EIF5: variants seen among roughly 807,000 people sequenced by gnomAD.
EIF5 encodes the protein eukaryotic translation initiation factor 5.
EIF5 carries 10 observed loss-of-function variants against 48.3 expected under a neutral mutation model. That is an observed-to-expected ratio of 0.21 (90% CI 0.13 to 0.35). EIF5 has a LOEUF of 0.35. Ranked by LOEUF, EIF5 falls within the 10% of genes least tolerant of loss-of-function variation. EIF5 has a pLI of 1.00. For missense variants in EIF5, 397 were observed against 533.2 expected (o/e 0.74, Z 2.51); for synonymous variants, 237 against 173.1 (o/e 1.37, Z -2.90).
In EIF5 at chr14:103,338,422, C is replaced by A. The variant is rs1286119634; in HGVS notation, c.535C>A (p.Pro179Thr). 5.1e-6 allele frequency: 8 copies of A among 1,576,166 alleles called. No homozygotes were observed. The highest frequency in any genetic ancestry group is 3.6e-5 in the Admixed American group (2 of 54,994). Residue 179 changes from proline (P) to threonine (T), a missense_variant, in exon 7 of 12, where the codon CCA becomes ACA. By Grantham distance (38) the Pro-to-Thr change is conservative (BLOSUM62 -1). Around this residue, in one of 4 missense-constraint regions of EIF5, gnomAD observed 126 missense variants for 141.9 expected, o/e 0.89. Coordinates refer to ENST00000216554, the MANE Select transcript of EIF5 (RefSeq NM_001969.5). Reference sequence around the variant, plus strand: ...TGGCTCCGTATCCAGCAGTGAGACACCACCACCACCACCACCACCAAATGA... The same window carrying A: ...TGGCTCCGTATCCAGCAGTGAGACAACACCACCACCACCACCACCAAATGA... ...ENGSVSSSET[P>T]PPPPPPNEIN...
At chr14:103,338,598 G>A in intron 7 of EIF5, 126 bp downstream of exon 7, 1 of 1,496,410 alleles carries the variant, frequency 6.7e-7, no homozygotes, top group Non-Finnish European at 8.9e-7. Context: ...TGGATTCCAA[G>A]TACTGTTTGT....
In EIF5 at chr14:103,339,577, A is replaced by G. The variant is rs562540355; in HGVS notation, c.907-62A>G. ...CACTTGCAGACACTCTTATTTGGGT[A>G]ATAGAGTTGTCAACTTAGAACACAT... On this transcript the variant is annotated intron_variant, in intron 9 of 11. Transcript: ENST00000216554. 1.9e-4 allele frequency: 299 copies of G among 1,607,302 alleles called. 3 individuals are homozygous for G. The South Asian group carries it at 3.1e-3, about 17-fold the overall frequency.
chr14:103,336,535 C>T (rs1307182757), intron 4 of EIF5, 142 bp from the exon 5 acceptor site: 4 of 871,294 alleles, frequency 4.6e-6, no homozygotes, highest in Non-Finnish European at 6.8e-6. Context: ...GAGCTGAGAC[C>T]ACGCCGTTGC....
At chr14:103,336,537 CGCCGTT>C in intron 4 of EIF5, 134 bp from the exon 5 acceptor site, 2 of 889,510 alleles carry the variant, frequency 2.2e-6, no homozygotes, top group Non-Finnish European at 3.3e-6. Flanking sequence ...GCTGAGACCA[CGCCGTT>C]GCACTCCAGC....
Position 103,341,786 on chromosome 14 carries a change from AATT to A in EIF5, c.*739_*741del, listed in dbSNP as rs981685306. 4.6e-5 allele frequency: 7 copies of A among 152,590 alleles called. No homozygotes were observed. The highest frequency in any genetic ancestry group is 1.7e-4 in the African/African-American group (7 of 41,456). 9.5% of individuals were successfully genotyped at this position (152,590 alleles called of 1,614,324 possible). A position where few individuals can be genotyped will look rare whatever the true frequency, so the allele number is the denominator to read the frequency against. Reference sequence around the variant, plus strand: ...CATTGCACGTTGGATGAGCCAGGGAAATTATTACATTAACAAGCATTTTGTGTG... The same window carrying A: ...CATTGCACGTTGGATGAGCCAGGGAAATTACATTAACAAGCATTTTGTGTG... On this transcript the variant is annotated 3_prime_UTR_variant, in exon 12 of 12. Transcript: ENST00000216554.
intron 2 of EIF5, 182 bp downstream of exon 2, chr14:103,334,779 G>A (rs2089263325): frequency 6.8e-6 from 1 of 147,658 alleles, no homozygotes; most frequent in African/African-American, 2.4e-5. Flanking sequence ...CCGGCATGGC[G>A]GGAGCGCGTC....
In EIF5 at chr14:103,342,636, C is replaced by T. The variant is rs1245725623; in HGVS notation, c.*1584C>T. On this transcript the variant is annotated 3_prime_UTR_variant, in exon 12 of 12. Transcript: ENST00000216554. ...ATTTGATGTAATAAAACTTGGTTGG[C>T]TTGATATTTTAAGGAATTGAAACCT... is the stretch of plus-strand genomic sequence containing the variant. 6.6e-6 allele frequency: 1 copy of T among 152,460 alleles called. No individual in the cohort carries two copies. Among genetic ancestry groups the T allele is most frequent in the Non-Finnish European group, 1.5e-5 (1 of 68,034 alleles). 9.4% of individuals were successfully genotyped at this position (152,460 alleles called of 1,614,324 possible).
At chr14:103,336,145 G>T in intron 4 of EIF5, 28 bp downstream of exon 4, 1 of 1,604,634 alleles carries the variant, frequency 6.2e-7, no homozygotes, top group Non-Finnish European at 8.5e-7. Flanking sequence ...AAGTCCACAG[G>T]GCATATTATG....
Position 103,334,255 on chromosome 14 carries a change from C to G in EIF5, c.-423C>G, listed in dbSNP as rs933777003. On this transcript the variant is annotated 5_prime_UTR_variant, in exon 1 of 12. Transcript: ENST00000216554. ...GTTGTTCAGTCAGAGCGAGAACATT[C>G]CAGAGGTGAGTCCGGTGAAGGGGCG... 3 of 152,478 alleles carry G rather than the reference C, an allele frequency of 2.0e-5. No homozygotes were observed. Among genetic ancestry groups the G allele is most frequent in the African/African-American group, 7.2e-5 (3 of 41,408 alleles). The allele number at this position is 152,478 out of a possible 1,614,324, so 9.4% of individuals were successfully genotyped here. A position where few individuals can be genotyped will look rare whatever the true frequency, so the allele number is the denominator to read the frequency against.
At position 103,336,244 on chromosome 14, in the gene EIF5, T is replaced by TTATTGGTTGCC. The variant is rs776066257; in HGVS notation, c.154+128_154+138dup. The TTATTGGTTGCC allele has an allele frequency of 1.5e-5, 15 of 1,013,018 alleles. No homozygotes were observed. In the East Asian group the frequency reaches 1.8e-4, roughly 12 times the overall value. 62.8% of individuals were successfully genotyped at this position (1,013,018 alleles called of 1,614,324 possible). On this transcript the variant is annotated intron_variant, in intron 4 of 11. Coordinates refer to ENST00000216554, the MANE Select transcript of EIF5 (RefSeq NM_001969.5). Reference sequence around the variant, plus strand: ...TACAAGTTAAGTGAGGAACCGTGGTTTATTGGTTGCCATGAGTTTACAAAA... The same window carrying TTATTGGTTGCC: ...TACAAGTTAAGTGAGGAACCGTGGTTTATTGGTTGCCTATTGGTTGCCATGAGTTTACAAAA...
chr14:103,335,757 T>C lies in EIF5; in HGVS notation c.-104T>C, dbSNP rs2089277456. ...TTTTTTCATGTCAGAGACCGAGAAC[T>C]CTTGCAGTCGTTTATGTCATCCCTT... is the stretch of plus-strand genomic sequence containing the variant. On this transcript the variant is annotated 5_prime_UTR_variant, in exon 3 of 12. Coordinates refer to ENST00000216554, the MANE Select transcript of EIF5 (RefSeq NM_001969.5). 2 of 1,351,126 alleles carry C rather than the reference T, an allele frequency of 1.5e-6. No individual in the cohort carries two copies. Among genetic ancestry groups the C allele is most frequent in the Admixed American group, 1.8e-5 (1 of 54,062 alleles). 83.7% of individuals were successfully genotyped at this position (1,351,126 alleles called of 1,614,324 possible).
At chr14:103,339,441 T>C in intron 9 of EIF5, 108 bp downstream of exon 9, 1 of 1,458,740 alleles carries the variant, frequency 6.9e-7, no homozygotes, top group Admixed American at 2.3e-5. Context: ...GTGGGGAAAT[T>C]GACCCACCTT....
chr14:103,341,861 T>TTAAA lies in EIF5; in HGVS notation c.*812_*813insATAA, dbSNP rs2089356660. On this transcript the variant is annotated 3_prime_UTR_variant, in exon 12 of 12. Transcript: ENST00000216554. The stretch of plus-strand genomic sequence containing the variant: ...TGAGAGAACTTGCTTTGGGGTGCAA[T>TTAAA]TAATAAACTGATTTTATTTGGGAGA... 1 of 139,472 alleles carries TTAAA rather than the reference T, an allele frequency of 7.2e-6. No homozygotes were observed. The highest frequency in any genetic ancestry group is 2.8e-5 in the African/African-American group (1 of 35,874). 8.6% of individuals were successfully genotyped at this position (139,472 alleles called of 1,614,324 possible).
intron 10 of EIF5, among the ~76,000 whole-genome samples, chr14:103,340,162 T>C (rs1430668044): frequency 3.9e-5 from 6 of 152,168 alleles, no homozygotes; most frequent in African/African-American, 4.8e-5. Flanking sequence ...TTCACAAGTA[T>C]TGAGACGGCT....
At position 103,344,436 on chromosome 14, in the gene EIF5, G is replaced by C. The variant is rs916888897; in HGVS notation, c.*3384G>C. Reference sequence around the variant, plus strand: ...TGGTAGGATCTGAGTTGACCCTGCAGTTCGGTTATGCAGTCAATTATTTCT... The same window carrying C: ...TGGTAGGATCTGAGTTGACCCTGCACTTCGGTTATGCAGTCAATTATTTCT... On this transcript the variant is annotated 3_prime_UTR_variant, in exon 12 of 12. Transcript: ENST00000216554. 6.6e-6 allele frequency: 1 copy of C among 152,256 alleles called. No homozygotes were observed. The highest frequency in any genetic ancestry group is 1.5e-5 in the Non-Finnish European group (1 of 68,054). The allele number at this position is 152,256 out of a possible 1,614,324, so 9.4% of individuals were successfully genotyped here. A position where few individuals can be genotyped will look rare whatever the true frequency, so the allele number is the denominator to read the frequency against.
chr14:103,341,223 A>G lies in EIF5; in HGVS notation c.*171A>G. On this transcript the variant is annotated 3_prime_UTR_variant, in exon 12 of 12. Coordinates refer to ENST00000216554, the MANE Select transcript of EIF5 (RefSeq NM_001969.5). The stretch of plus-strand genomic sequence containing the variant: ...TGTTATTAAGCCCAATGAGACATCT[A>G]GGGAGTCCATACACATCAGTGAGCA... The G allele has an allele frequency of 6.6e-6, 4 of 608,026 alleles. No individual in the cohort carries two copies. In the South Asian group the frequency reaches 7.6e-5, roughly 11 times the overall value. The allele number at this position is 608,026 out of a possible 1,614,324, so 37.7% of individuals were successfully genotyped here.
intron 2 of EIF5, 24 bp downstream of exon 2, chr14:103,334,621 A>G (rs2089259804): frequency 1.3e-5 from 2 of 150,618 alleles, no homozygotes; most frequent in South Asian, 4.2e-4. Flanking sequence ...GCGGCGGGCC[A>G]GGAGATGGCG....
rs1432872781 is a variant in EIF5 at position 103,344,947 on chromosome 14, CAT to C, written c.*3897_*3898del. On this transcript the variant is annotated 3_prime_UTR_variant, in exon 12 of 12. Transcript: ENST00000216554. Reference sequence around the variant, plus strand: ...AAAGGATGAAAAAAGGTATAGTAGACATACACTAACCAAAAATGTAGCTCTTT... The same window carrying C: ...AAAGGATGAAAAAAGGTATAGTAGACACACTAACCAAAAATGTAGCTCTTT... The C allele has an allele frequency of 6.6e-6, 1 of 152,080 alleles. No homozygotes were observed. Among genetic ancestry groups the C allele is most frequent in the Non-Finnish European group, 1.5e-5 (1 of 68,016 alleles). 9.4% of individuals were successfully genotyped at this position (152,080 alleles called of 1,614,324 possible).
chr14:103,337,507 C>A, intron 6 of EIF5: 2 of 403,592 alleles, frequency 5.0e-6, no homozygotes, highest in Non-Finnish European at 4.5e-6. Context: ...GTAGCTGAGG[C>A]ATGAGCGTCG....
Sources: gnomAD v4.1 joint callset for allele counts (sites outside exome capture counted in the v4.1 genomes callset) on GRCh38, gnomAD v4.1.1 for gene constraint, gnomAD v4.1.1 regional missense constraint, MANE v1.5 for transcripts, NCBI Gene and HGNC (gene_info 2026-07-23, HGNC 2026-07-21) for gene names.